Variants in MGAT4C observed in about 807,000 individuals in gnomAD.
The protein encoded by MGAT4C is alpha-1,3-mannosyl-glycoprotein 4-beta-N-acetylglucosaminyltransferase C.
Under a neutral mutation model 40.1 loss-of-function variants are expected in MGAT4C, and 19 were observed. The ratio of observed to expected loss-of-function variants is 0.47; its 90% confidence interval spans 0.33 to 0.70. The LOEUF (loss-of-function observed/expected upper bound fraction) is 0.70. Ranked by LOEUF, MGAT4C falls within the 30% of genes least tolerant of loss-of-function variation. MGAT4C has a pLI of 0.02. For synonymous variants in MGAT4C, 181 were observed against 187.1 expected (o/e 0.97, Z 0.27); for missense variants, 491 against 563.2 (o/e 0.87, Z 1.30).
chr12:85,991,937 G>A (rs1177588824), intron 2 of MGAT4C, among the ~76,000 whole-genome samples: 1 of 152,176 alleles, frequency 6.6e-6, no homozygotes, highest in Non-Finnish European at 1.5e-5. Context: ...ATATGGCAGG[G>A]GTGGTGACCA....
At chr12:86,805,392 A>G (rs141368192) in intron 1 of MGAT4C, among the ~76,000 whole-genome samples, 15 of 151,958 alleles carry the variant, frequency 9.9e-5, no homozygotes, top group African/African-American at 3.4e-4. Flanking sequence ...AGTAGTCTCC[A>G]GTTTGTATTC....
At chr12:86,748,066 A>G (rs75190105) in intron 1 of MGAT4C, among the ~76,000 whole-genome samples, 4,037 of 151,708 alleles carry the variant, frequency 0.027, 174 homozygotes, top group African/African-American at 0.093. Context: ...TTATTTATCA[A>G]TTTATCAGTG....
chr12:86,064,935 C>G (rs1894385700), intron 1 of MGAT4C, among the ~76,000 whole-genome samples: 1 of 152,220 alleles, frequency 6.6e-6, no homozygotes, highest in Admixed American at 6.5e-5. Flanking sequence ...ATAAACACCT[C>G]TACACAAATA....
At chr12:86,045,218 T>G (rs1486022360) in intron 2 of MGAT4C, among the ~76,000 whole-genome samples, 1 of 152,168 alleles carries the variant, frequency 6.6e-6, no homozygotes, top group Non-Finnish European at 1.5e-5. Flanking sequence ...TGAGACAACC[T>G]TCTTTTGTTT....
intron 1 of MGAT4C, among the ~76,000 whole-genome samples, chr12:86,172,748 A>C (rs1886986841): frequency 6.6e-6 from 1 of 152,130 alleles, no homozygotes. Context: ...ATGTTTTTTA[A>C]TGATTAGCAC....
At chr12:86,481,876 C>T (rs1957943439) in intron 2 of MGAT4C, among the ~76,000 whole-genome samples, 1 of 151,700 alleles carries the variant, frequency 6.6e-6, no homozygotes, top group African/African-American at 2.4e-5. Context: ...CTCAGCAATT[C>T]CAAACTGCTG....
chr12:86,810,484 T>A (rs1412123698), intron 1 of MGAT4C, among the ~76,000 whole-genome samples: 2 of 151,954 alleles, frequency 1.3e-5, no homozygotes, highest in Non-Finnish European at 2.9e-5. Flanking sequence ...GTGATGTTAT[T>A]TTTCAAGTTG....
At chr12:86,537,979 C>T (rs1045323952) in intron 2 of MGAT4C, among the ~76,000 whole-genome samples, 9 of 151,928 alleles carry the variant, frequency 5.9e-5, no homozygotes, top group African/African-American at 1.7e-4. Flanking sequence ...CCCAGCTACT[C>T]GGGAGGCTGA....
intron 2 of MGAT4C, among the ~76,000 whole-genome samples, chr12:86,574,645 G>A (rs1399927564): frequency 6.6e-6 from 1 of 151,690 alleles, no homozygotes; most frequent in African/African-American, 2.4e-5. Context: ...AAACAGCAAA[G>A]TGAATGCAAT....
chr12:86,329,792 C>T (rs1433681475), intron 4 of MGAT4C, among the ~76,000 whole-genome samples: 1 of 152,080 alleles, frequency 6.6e-6, no homozygotes, highest in Non-Finnish European at 1.5e-5. Context: ...TAAATTTCCC[C>T]ACTGTGTATC....
chr12:85,983,564 A>G lies in MGAT4C; in HGVS notation c.254T>C (p.Val85Ala). 1 of 1,595,894 alleles carries G rather than the reference A, an allele frequency of 6.3e-7. No individual in the cohort carries two copies. Among genetic ancestry groups the G allele is most frequent in the Non-Finnish European group, 8.5e-7 (1 of 1,172,314 alleles). The change falls in exon 4 of 5, where the codon GTC becomes GCC. Residue 85 changes from valine to alanine, a missense_variant. Transcript: ENST00000611864. ...TGTGGCAGCTAGGTAGCGATAGGTGACATTTATGGCTCCTGAGAAATTAGA... is the reference window on the plus strand; with the variant it reads ...TGTGGCAGCTAGGTAGCGATAGGTGGCATTTATGGCTCCTGAGAAATTAGA... ...DLSNFSGAIN[V>A]TYRYLAATPL...
chr12:86,302,026 A>G (rs1163287864), intron 4 of MGAT4C, among the ~76,000 whole-genome samples: 1 of 145,330 alleles, frequency 6.9e-6, no homozygotes, highest in Non-Finnish European at 1.5e-5. Context: ...ATCTATTTTA[A>G]TTACTTATGA....
At chr12:86,219,366 T>C (rs1433261515) in intron 1 of MGAT4C, among the ~76,000 whole-genome samples, 1 of 138,826 alleles carries the variant, frequency 7.2e-6, no homozygotes, top group Non-Finnish European at 1.7e-5. Flanking sequence ...GAGGTGACTG[T>C]TCTAAATCTA....
chr12:86,295,564 C>A (rs1230498369), intron 4 of MGAT4C, among the ~76,000 whole-genome samples: 1 of 152,126 alleles, frequency 6.6e-6, no homozygotes, highest in African/African-American at 2.4e-5. Context: ...AACAATGCTT[C>A]CACAGTGTGG....
intron 1 of MGAT4C, among the ~76,000 whole-genome samples, chr12:86,824,736 CAAAAAA>C (rs35714537): frequency 1.7e-5 from 1 of 60,312 alleles, no homozygotes; most frequent in South Asian, 5.6e-4. Flanking sequence ...ACAGCCAGGC[CAAAAAA>C]AAAAAAAAAA....
intron 4 of MGAT4C, among the ~76,000 whole-genome samples, chr12:86,266,075 T>G (rs574966892): frequency 5.8e-4 from 88 of 152,192 alleles, no homozygotes; most frequent in Non-Finnish European, 1.1e-3. Context: ...AGATTATATC[T>G]TAAATAAGCA....
intron 3 of MGAT4C, among the ~76,000 whole-genome samples, chr12:86,395,493 C>G (rs764407918): frequency 6.6e-6 from 1 of 152,026 alleles, no homozygotes; most frequent in Non-Finnish European, 1.5e-5. Flanking sequence ...TATCATCCAA[C>G]AAGTAAGAGA....
intron 4 of MGAT4C, among the ~76,000 whole-genome samples, chr12:86,270,136 G>A (rs915605809): frequency 2.0e-5 from 3 of 151,954 alleles, no homozygotes; most frequent in African/African-American, 7.3e-5. Flanking sequence ...GCATGATCGC[G>A]GCTCACTGCA....
intron 4 of MGAT4C, among the ~76,000 whole-genome samples, chr12:86,285,883 A>G (rs1953341865): frequency 6.6e-6 from 1 of 152,020 alleles, no homozygotes; most frequent in Admixed American, 6.6e-5. Context: ...ATATTCTTTA[A>G]TGACATAAAA....
Sources: allele counts gnomAD v4.1 joint callset (sites outside exome capture counted in the v4.1 genomes callset), GRCh38; gene constraint gnomAD v4.1.1; transcripts MANE v1.5; gene names NCBI Gene and HGNC (gene_info 2026-07-23, HGNC 2026-07-21).